Variants in DHX35 observed in about 807,000 individuals in gnomAD.
DHX35 encodes the protein DEAH-box helicase 35, also known as probable ATP-dependent RNA helicase DHX35.
Under a neutral mutation model 99.6 loss-of-function variants are expected in DHX35, and 84 were observed. That is an observed-to-expected ratio of 0.84 (90% CI 0.71 to 1.01). The LOEUF is 1.01. Among genes scored for constraint, DHX35 ranks in the 50% least tolerant of loss-of-function variants. The pLI, the probability that DHX35 is intolerant of heterozygous loss-of-function variation, is 0.00. For missense variants in DHX35, 852 were observed against 888.5 expected, an observed-to-expected ratio of 0.96 and a Z score of 0.52; for synonymous variants, 331 against 316.2, an observed-to-expected ratio of 1.05 and a Z score of -0.50.
intron 11 of DHX35, 46 bp from the exon 12 acceptor site, chr20:39,006,100 A>G (rs1334724223): frequency 1.3e-6 from 2 of 1,588,066 alleles, no homozygotes; most frequent in Admixed American, 3.4e-5. Context: ...TGTTAAAAGC[A>G]AAAAGAATAA....
Position 39,010,321 on chromosome 20 carries a change from A to G in DHX35, c.1264A>G (p.Met422Val). Residue 422 changes from methionine (M) to valine (V), a missense_variant, in exon 13 of 22, where the codon ATG becomes GTG. Coordinates refer to ENST00000252011, the MANE Select transcript of DHX35 (RefSeq NM_021931.4). ...GTTGCCTCAGTCTACGGTTCCTGAG[A>G]TGCAGCGTAGTAATTTGGCACCTGT... ...DKLPQSTVPEMQRSNLAPVIL... is the reference protein window; with the variant it reads ...DKLPQSTVPEVQRSNLAPVIL... 4 of 1,614,110 alleles carry G rather than the reference A, an allele frequency of 2.5e-6. No homozygotes were observed. Among genetic ancestry groups the G allele is most frequent in the Non-Finnish European group, 3.4e-6 (4 of 1,180,030 alleles).
chr20:38,971,123 C>G (rs1195008461), intron 2 of DHX35, among the ~76,000 whole-genome samples: 1 of 151,958 alleles, frequency 6.6e-6, no homozygotes, highest in Admixed American at 6.6e-5. Flanking sequence ...GAGGCTGAGG[C>G]GGGTGGATCA....
At chr20:38,980,037 C>T (rs555837598) in intron 3 of DHX35, among the ~76,000 whole-genome samples, 2 of 152,222 alleles carry the variant, frequency 1.3e-5, no homozygotes, top group East Asian at 1.9e-4. Flanking sequence ...GATCTCCCTC[C>T]GTGACTCTCC....
intron 3 of DHX35, chr20:38,978,183 T>A (rs1463245353): frequency 9.7e-7 from 1 of 1,032,136 alleles, no homozygotes; most frequent in African/African-American, 1.6e-5. Flanking sequence ...GTACAGACAT[T>A]TTCAAAGTTG....
At chr20:39,013,727 T>A (rs1439047892) in intron 13 of DHX35, among the ~76,000 whole-genome samples, 12 of 152,190 alleles carry the variant, frequency 7.9e-5, no homozygotes, top group Admixed American at 7.9e-4. Context: ...GCTCCTTCAT[T>A]TAAGTGTTGC....
intron 15 of DHX35, among the ~76,000 whole-genome samples, chr20:39,020,656 C>CTTTTT (rs57246257): frequency 1.3e-4 from 14 of 105,214 alleles, no homozygotes; most frequent in East Asian, 3.1e-4. Context: ...AAACAGGATT[C>CTTTTT]TTTTTTTTTT....
At chr20:38,996,637 C>T (rs2086433837) in intron 8 of DHX35, among the ~76,000 whole-genome samples, 1 of 152,196 alleles carries the variant, frequency 6.6e-6, no homozygotes, top group Non-Finnish European at 1.5e-5. Flanking sequence ...TGGTCCCTGG[C>T]TCCTGGCTCC....
At chr20:38,972,458 C>A (rs1287336306) in intron 2 of DHX35, 101 bp from the exon 3 acceptor site, 1 of 746,256 alleles carries the variant, frequency 1.3e-6, no homozygotes, top group Non-Finnish European at 2.3e-6. Flanking sequence ...TTAAAATTCA[C>A]TTTCCTTTGA....
At chr20:39,024,644 A>G (rs1253089970) in intron 17 of DHX35, among the ~76,000 whole-genome samples, 2 of 152,226 alleles carry the variant, frequency 1.3e-5, no homozygotes, top group African/African-American at 2.4e-5. Context: ...TTCTTGGAAT[A>G]TCTTCTATTA....
chr20:38,986,819 A>G (rs1243278116), intron 4 of DHX35, among the ~76,000 whole-genome samples: 2 of 152,216 alleles, frequency 1.3e-5, no homozygotes, highest in East Asian at 3.9e-4. Flanking sequence ...CAGCTGCCAG[A>G]TGATTGATTT....
chr20:39,023,683 T>G lies in DHX35; in HGVS notation c.1594-7T>G. On this transcript the variant is annotated splice_region_variant and splice_polypyrimidine_tract_variant and intron_variant, in intron 16 of 21. Transcript: ENST00000252011. The stretch of plus-strand genomic sequence containing the variant: ...TGAAATTCTGAATGTTGCTTCATTC[T>G]TTCCAGATTCGAGTGCACCGTAAAT... The G allele has an allele frequency of 6.2e-7, 1 of 1,613,796 alleles. No individual in the cohort carries two copies. The highest frequency in any genetic ancestry group is 8.5e-7 in the Non-Finnish European group (1 of 1,179,710).
intron 20 of DHX35, among the ~76,000 whole-genome samples, chr20:39,031,328 C>T (rs911293956): frequency 2.7e-5 from 4 of 149,206 alleles, no homozygotes; most frequent in Non-Finnish European, 3.0e-5. Context: ...TCCCAGCTCA[C>T]GGTTCTTTTT....
chr20:38,963,273 T>G (rs1463905304), intron 1 of DHX35, among the ~76,000 whole-genome samples: 2 of 152,242 alleles, frequency 1.3e-5, no homozygotes, highest in Non-Finnish European at 2.9e-5. Flanking sequence ...CAGCTTGATT[T>G]TTTTCTACCA....
chr20:38,979,338 TG>T lies in DHX35; in HGVS notation c.268-4357del, dbSNP rs534334057. Among the ~76,000 whole-genome samples, 13 of 152,276 alleles carry T rather than the reference TG, an allele frequency of 8.5e-5. No homozygotes were observed. In the East Asian group the frequency reaches 1.7e-3, roughly 20 times the overall value. Reference sequence around the variant, plus strand: ...TTTTATAGAATAAATAAAATACTTATGGGGTTGCTGGCTCAAAACACATGTG... The same window carrying T: ...TTTTATAGAATAAATAAAATACTTATGGGTTGCTGGCTCAAAACACATGTG... On this transcript the variant is annotated intron_variant, in intron 3 of 21. Transcript: ENST00000252011.
chr20:39,010,220 A>G (rs1453148803), intron 12 of DHX35, 60 bp from the exon 13 acceptor site: 2 of 1,613,188 alleles, frequency 1.2e-6, no homozygotes, highest in East Asian at 2.2e-5. Context: ...GTCCCTTGGC[A>G]TAGTGATTGC....
intron 1 of DHX35, among the ~76,000 whole-genome samples, chr20:38,967,550 C>A (rs1430895054): frequency 1.3e-5 from 2 of 152,302 alleles, no homozygotes; most frequent in African/African-American, 4.8e-5. Context: ...AGCAGCAAAT[C>A]AGCATGAAAA....
At chr20:38,974,480 A>G (rs1346440983) in intron 3 of DHX35, among the ~76,000 whole-genome samples, 4 of 152,258 alleles carry the variant, frequency 2.6e-5, no homozygotes, top group African/African-American at 9.6e-5. Flanking sequence ...CTTGGCGAAC[A>G]GTGCTAGTAT....
rs370903361 is a variant in DHX35, at chr20:39,025,363, A to T, written c.1801+4A>T. 2.5e-6 allele frequency: 4 copies of T among 1,612,634 alleles called. No individual in the cohort carries two copies. Among genetic ancestry groups the T allele is most frequent in the Non-Finnish European group, 2.5e-6 (3 of 1,179,328 alleles). ...GTGCCCAGGAAGTCTAGTGAAGGTG[A>T]GAAGAAACCGTCCCAGCTGGTGACC... On this transcript the variant is annotated splice_donor_region_variant and intron_variant, in intron 18 of 21. Coordinates refer to ENST00000252011, the MANE Select transcript of DHX35 (RefSeq NM_021931.4).
At position 39,021,839 on chromosome 20, in the gene DHX35, AG is replaced by A. The variant is rs1393059760; in HGVS notation, c.1499del. Reference sequence around the variant, plus strand: ...AAACCAAACATGCTTTTTGTTTTACAGGAAACTTCGGCTGTTCTCAGGAAAT... The same window carrying A: ...AAACCAAACATGCTTTTTGTTTTACAGAAACTTCGGCTGTTCTCAGGAAAT... On this transcript the variant is annotated splice_acceptor_variant, in intron 15 of 21. Transcript: ENST00000252011. LOFTEE classifies it high-confidence loss of function. 3 of 1,613,986 alleles carry A rather than the reference AG, an allele frequency of 1.9e-6. No homozygotes were observed. The highest frequency in any genetic ancestry group is 2.7e-5 in the African/African-American group (2 of 74,950).
Sources: allele counts gnomAD v4.1 joint callset (sites outside exome capture counted in the v4.1 genomes callset), GRCh38; gene constraint gnomAD v4.1.1; transcripts MANE v1.5; gene names NCBI Gene and HGNC (gene_info 2026-07-23, HGNC 2026-07-21).